The following CCDC50 variants were observed in gnomAD, a reference collection of about 807,000 sequenced individuals.
CCDC50 encodes the protein coiled-coil domain-containing protein 50.
A neutral mutation model predicts 70.2 loss-of-function variants in CCDC50; 54 were observed. The ratio of observed to expected loss-of-function variants is 0.77; its 90% confidence interval spans 0.62 to 0.96. The LOEUF is 0.96. Ranked by LOEUF, CCDC50 falls within the 50% of genes least tolerant of loss-of-function variation. The pLI is 0.00. For missense variants in CCDC50, 558 were observed against 578.7 expected (o/e 0.96, Z 0.37); for synonymous variants, 216 against 198.8 (o/e 1.09, Z -0.73).
intron 5 of CCDC50, among the ~76,000 whole-genome samples, chr3:191,370,812 C>T (rs1202514529): frequency 6.6e-6 from 1 of 152,000 alleles, no homozygotes; most frequent in African/African-American, 2.4e-5. Flanking sequence ...AGTTGGACAA[C>T]CAGAGCCACT....
intron 1 of CCDC50, among the ~76,000 whole-genome samples, chr3:191,356,454 G>C (rs1284139670): frequency 6.6e-6 from 1 of 152,130 alleles, no homozygotes; most frequent in African/African-American, 2.4e-5. Context: ...ATTATTTTGG[G>C]GCAGCCCAAG....
Position 191,392,595 on chromosome 3 carries a change from G to A in CCDC50, c.*835G>A, listed in dbSNP as rs1218819159. ...ATCCTTCTCTCTGGCTGTAGACTGA[G>A]GCTTTTCTCTTGCTTCAAGTCAGAG... is the stretch of plus-strand genomic sequence containing the variant. On this transcript the variant is annotated 3_prime_UTR_variant, in exon 12 of 12. Coordinates refer to ENST00000392455, the MANE Select transcript of CCDC50 (RefSeq NM_178335.3). 6.6e-6 allele frequency: 1 copy of A among 152,174 alleles called. No individual in the cohort carries two copies. The highest frequency in any genetic ancestry group is 1.5e-5 in the Non-Finnish European group (1 of 68,026). The allele number at this position is 152,174 out of a possible 1,614,324, so 9.4% of individuals were successfully genotyped here.
chr3:191,391,715 G>A, intron 11 of CCDC50, 26 bp from the exon 12 acceptor site: 1 of 1,610,826 alleles, frequency 6.2e-7, no homozygotes, highest in Non-Finnish European at 8.5e-7. Context: ...CCTTAATTGT[G>A]TTTCCTTTTT....
chr3:191,352,884 A>G (rs752635386), intron 1 of CCDC50, among the ~76,000 whole-genome samples: 2 of 142,572 alleles, frequency 1.4e-5, no homozygotes, highest in Non-Finnish European at 3.2e-5. Context: ...TTATGCTGTC[A>G]TAATAGCAGA....
chr3:191,378,274 A>G (rs1055440924), intron 6 of CCDC50, among the ~76,000 whole-genome samples: 1 of 152,138 alleles, frequency 6.6e-6, no homozygotes, highest in African/African-American at 2.4e-5. Context: ...GCCAGAGGTT[A>G]CAGTCTTATC....
At position 191,392,388 on chromosome 3, in the gene CCDC50, G is replaced by A. The variant is rs1002811510; in HGVS notation, c.*628G>A. On this transcript the variant is annotated 3_prime_UTR_variant, in exon 12 of 12. Coordinates refer to ENST00000392455, the MANE Select transcript of CCDC50 (RefSeq NM_178335.3). ...TAACACTTCCTCTGCTTTTGCCTCAGTAGCAAGGCTTTCCTAAGCTCCTGG... is the reference window on the plus strand; with the variant it reads ...TAACACTTCCTCTGCTTTTGCCTCAATAGCAAGGCTTTCCTAAGCTCCTGG... 16 of 152,260 alleles carry A rather than the reference G, an allele frequency of 1.1e-4. No individual in the cohort carries two copies. Among genetic ancestry groups the A allele is most frequent in the African/African-American group, 3.9e-4 (16 of 41,472 alleles). The allele number at this position is 152,260 out of a possible 1,614,324, so 9.4% of individuals were successfully genotyped here.
At chr3:191,368,926 C>T (rs2108657872) in intron 4 of CCDC50, among the ~76,000 whole-genome samples, 1 of 152,248 alleles carries the variant, frequency 6.6e-6, no homozygotes. Flanking sequence ...CATTGTCACT[C>T]TGCAGCTCAA....
Position 191,329,568 on chromosome 3 carries a change from C to G in CCDC50, c.-107C>G. On this transcript the variant is annotated 5_prime_UTR_variant, in exon 1 of 12. Transcript: ENST00000392455. The stretch of plus-strand genomic sequence containing the variant: ...TCTCCGGCCTGCGAGCCCTGCCGGC[C>G]GGACTTTGCGCCGCGTCCGGCGCTG... 1 of 1,177,392 alleles carries G rather than the reference C, an allele frequency of 8.5e-7. No homozygotes were observed. The highest frequency in any genetic ancestry group is 1.2e-6 in the Non-Finnish European group (1 of 845,086). The allele number at this position is 1,177,392 out of a possible 1,614,324, so 72.9% of individuals were successfully genotyped here. A position where few individuals can be genotyped will look rare whatever the true frequency, so the allele number is the denominator to read the frequency against.
chr3:191,397,468 G>A lies in CCDC50; in HGVS notation c.*5708G>A, dbSNP rs1713898068. 6.6e-6 allele frequency: 1 copy of A among 152,116 alleles called. No homozygotes were observed. 9.4% of individuals were successfully genotyped at this position (152,116 alleles called of 1,614,324 possible). A position where few individuals can be genotyped will look rare whatever the true frequency, so the allele number is the denominator to read the frequency against. On this transcript the variant is annotated 3_prime_UTR_variant, in exon 12 of 12. Coordinates refer to ENST00000392455, the MANE Select transcript of CCDC50 (RefSeq NM_178335.3). ...TATTTCATAAAGTGTTATAAATATT[G>A]AGAAGATACACTGGGGAGATAGCAT...
chr3:191,366,674 GTT>G (rs138659618), intron 4 of CCDC50, among the ~76,000 whole-genome samples: 1 of 149,626 alleles, frequency 6.7e-6, no homozygotes, highest in African/African-American at 2.5e-5. Context: ...AAGATAACAG[GTT>G]TTTTTTTTCT....
At chr3:191,364,190 T>G (rs1428850041) in intron 4 of CCDC50, among the ~76,000 whole-genome samples, 1 of 151,938 alleles carries the variant, frequency 6.6e-6, no homozygotes, top group Non-Finnish European at 1.5e-5. Flanking sequence ...TGCCTCAGCC[T>G]CCTGAGTAGC....
At position 191,329,749 on chromosome 3, in the gene CCDC50, C is replaced by T. The variant is rs752316047; in HGVS notation, c.49+26C>T. 3.1e-6 allele frequency: 5 copies of T among 1,600,760 alleles called. No individual in the cohort carries two copies. In the South Asian group the frequency reaches 3.4e-5, roughly 11 times the overall value. On this transcript the variant is annotated intron_variant, in intron 1 of 11. Coordinates refer to ENST00000392455, the MANE Select transcript of CCDC50 (RefSeq NM_178335.3). Reference sequence around the variant, plus strand: ...GTAAGGGCCCCGGAGGGAGAGCGCGCGGGACCCTCCCCTCTCCCAGCCCGA... The same window carrying T: ...GTAAGGGCCCCGGAGGGAGAGCGCGTGGGACCCTCCCCTCTCCCAGCCCGA...
chr3:191,378,761 G>A lies in CCDC50; in HGVS notation c.977-1398G>A, dbSNP rs965884409. 4.8e-5 allele frequency among the ~76,000 whole-genome samples: 7 copies of A among 146,478 alleles called. No individual in the cohort carries two copies. In the East Asian group the frequency reaches 1.4e-3, roughly 30 times the overall value. Reference sequence around the variant, plus strand: ...TTTGTTTGTTTGTTTGTTTGTTTTTGCTGTCCCAAACCACTTAGAAATCTA... The same window carrying A: ...TTTGTTTGTTTGTTTGTTTGTTTTTACTGTCCCAAACCACTTAGAAATCTA... On this transcript the variant is annotated intron_variant, in intron 6 of 11. Transcript: ENST00000392455.
At chr3:191,376,745 T>A (rs1488650747) in intron 6 of CCDC50, among the ~76,000 whole-genome samples, 1 of 152,114 alleles carries the variant, frequency 6.6e-6, no homozygotes, top group Admixed American at 6.6e-5. Context: ...AGATCCACTT[T>A]GTTAGGAAGA....
Position 191,391,799 on chromosome 3 carries a change from CA to C in CCDC50, c.*42del. 6.4e-7 allele frequency: 1 copy of C among 1,566,510 alleles called. No homozygotes were observed. The highest frequency in any genetic ancestry group is 2.2e-5 in the East Asian group (1 of 44,532). ...TGCCTTGAAAATGGACTCACTATAG[CA>C]AATATTACTGGGTGATACAGAATGA... On this transcript the variant is annotated 3_prime_UTR_variant, in exon 12 of 12. Transcript: ENST00000392455.
intron 4 of CCDC50, among the ~76,000 whole-genome samples, chr3:191,367,891 A>G (rs1216182842): frequency 6.6e-6 from 1 of 152,094 alleles, no homozygotes; most frequent in Non-Finnish European, 1.5e-5. Flanking sequence ...CTTCTGTAAC[A>G]AATAATAGTT....
intron 5 of CCDC50, 40 bp downstream of exon 5, chr3:191,370,076 T>C (rs1173918472): frequency 2.9e-6 from 4 of 1,389,998 alleles, no homozygotes; most frequent in Non-Finnish European, 4.1e-6. Flanking sequence ...ATCCTTAGAC[T>C]CAACCATAAA....
At chr3:191,364,553 A>G (rs974586664) in intron 4 of CCDC50, among the ~76,000 whole-genome samples, 2 of 151,774 alleles carry the variant, frequency 1.3e-5, no homozygotes, top group Non-Finnish European at 2.9e-5. Context: ...AATACCAGAT[A>G]TAGAGACTGA....
At chr3:191,376,371 A>G (rs1713113627) in intron 6 of CCDC50, among the ~76,000 whole-genome samples, 1 of 152,174 alleles carries the variant, frequency 6.6e-6, no homozygotes, top group African/African-American at 2.4e-5. Flanking sequence ...GGTAAATATT[A>G]TAGATAAACC....
Sources: gnomAD v4.1 joint callset for allele counts (sites outside exome capture counted in the v4.1 genomes callset) on GRCh38, gnomAD v4.1.1 for gene constraint, MANE v1.5 for transcripts, NCBI Gene and HGNC (gene_info 2026-07-23, HGNC 2026-07-21) for gene names.